CIP2A: variants seen among roughly 807,000 people sequenced by gnomAD.
CIP2A encodes protein CIP2A.
CIP2A carries 103 observed loss-of-function variants against 110.9 expected under a neutral mutation model. The ratio of observed to expected loss-of-function variants is 0.93; its 90% confidence interval spans 0.79 to 1.09. The LOEUF (loss-of-function observed/expected upper bound fraction) is 1.09, where lower values mean the gene tolerates loss of function less well. CIP2A is among the 50% of genes least tolerant of loss of function. The pLI is 0.00. For missense variants in CIP2A, 1,088 were observed against 1,038.4 expected, an observed-to-expected ratio of 1.05 and a Z score of -0.66; for synonymous variants, 381 against 361.6, an observed-to-expected ratio of 1.05 and a Z score of -0.61.
chr3:108,569,680 G>A (rs982906012), intron 8 of CIP2A, 73 bp from the exon 9 acceptor site: 2 of 1,060,164 alleles, frequency 1.9e-6, no homozygotes, highest in African/African-American at 3.2e-5. Flanking sequence ...GTATGATGAA[G>A]CTGAAAATGC....
chr3:108,575,442 A>G (rs1261414173), intron 8 of CIP2A, among the ~76,000 whole-genome samples: 2 of 147,952 alleles, frequency 1.4e-5, no homozygotes, highest in Non-Finnish European at 3.0e-5. Context: ...ACACATACAT[A>G]TATACATATA....
At position 108,563,402 on chromosome 3, in the gene CIP2A, T is replaced by C. The variant is rs529061984; in HGVS notation, c.1516-158A>G. ...TATTATAGTCTATATAGTTTGAATATATTATACCTTGTTATAGCTGTTTAC... is the reference window on the plus strand; with the variant it reads ...TATTATAGTCTATATAGTTTGAATACATTATACCTTGTTATAGCTGTTTAC... On this transcript the variant is annotated intron_variant, in intron 12 of 20. Coordinates refer to ENST00000295746, the MANE Select transcript of CIP2A (RefSeq NM_020890.3). Among the ~76,000 whole-genome samples the C allele has an allele frequency of 1.3e-3, 192 of 152,264 alleles. 2 individuals are homozygous for C. Among genetic ancestry groups the C allele is most frequent in the South Asian group, 7.9e-3 (38 of 4,832 alleles).
intron 1 of CIP2A, among the ~76,000 whole-genome samples, chr3:108,587,660 T>G (rs1265467319): frequency 3.9e-5 from 6 of 152,240 alleles, no homozygotes; most frequent in Non-Finnish European, 8.8e-5. Flanking sequence ...TCCTTTTTAG[T>G]AGTAACCTGA....
At chr3:108,579,464 ATTAAG>A (rs754762371) in intron 6 of CIP2A, 38 bp from the exon 7 acceptor site, 2 of 1,574,514 alleles carry the variant, frequency 1.3e-6, no homozygotes, top group South Asian at 2.4e-5. Context: ...TAGACAAAAA[ATTAAG>A]TTGACACCAT....
At chr3:108,585,306 ACTG>A (rs1435602931) in intron 1 of CIP2A, 94 bp from the exon 2 acceptor site, 43 of 1,133,004 alleles carry the variant, frequency 3.8e-5, no homozygotes, top group Non-Finnish European at 5.1e-5. Context: ...TCAAAGTGCC[ACTG>A]CTACCTTCCC....
Position 108,551,263 on chromosome 3 carries a change from C to T in CIP2A, c.2604G>A (p.Glu868=). ...AQLEGRLEEK[E]SLVKLQQEEL... The stretch of plus-strand genomic sequence containing the variant: ...CCTCTTGCTGAAGTTTCACCAAGGA[C>T]TCTTTCTCTTCCAAACGACCTTCTA... The change falls in exon 21 of 21, where the codon GAG becomes GAA. Residue 868 remains glutamate (E), a synonymous_variant. Transcript: ENST00000295746. 1 of 1,612,428 alleles carries T rather than the reference C, an allele frequency of 6.2e-7. No individual in the cohort carries two copies. Among genetic ancestry groups the T allele is most frequent in the East Asian group, 2.2e-5 (1 of 44,772 alleles).
intron 9 of CIP2A, 53 bp downstream of exon 9, chr3:108,569,333 ATTG>A: frequency 3.2e-6 from 4 of 1,264,486 alleles, no homozygotes; most frequent in Non-Finnish European, 4.6e-6. Context: ...TTGAAGACAA[ATTG>A]TTAACTGAGA....
chr3:108,573,296 C>T (rs910822736), intron 8 of CIP2A, among the ~76,000 whole-genome samples: 3 of 151,488 alleles, frequency 2.0e-5, no homozygotes, highest in Non-Finnish European at 4.4e-5. Flanking sequence ...GTTATACTGG[C>T]CTTATAATCA....
In CIP2A at chr3:108,559,799, C is replaced by G; in HGVS notation, c.1971G>C (p.Leu657=). ...KALALAQADR[L]IAQHRCQRTQ... Reference sequence around the variant, plus strand: ...TTCTTTGACAGCGATGCTGAGCAATCAGTCTATCAGCCTGTGCAAGGGCTA... The same window carrying G: ...TTCTTTGACAGCGATGCTGAGCAATGAGTCTATCAGCCTGTGCAAGGGCTA... The change falls in exon 16 of 21, where the codon CTG becomes CTC. Residue 657 remains leucine (L), a synonymous_variant. Coordinates refer to ENST00000295746, the MANE Select transcript of CIP2A (RefSeq NM_020890.3). 1.3e-6 allele frequency: 2 copies of G among 1,594,254 alleles called. No homozygotes were observed. Among genetic ancestry groups the G allele is most frequent in the Non-Finnish European group, 1.7e-6 (2 of 1,165,118 alleles).
intron 11 of CIP2A, 28 bp from the exon 12 acceptor site, chr3:108,565,482 G>C (rs753211003): frequency 1.6e-6 from 2 of 1,273,918 alleles, no homozygotes; most frequent in Non-Finnish European, 2.2e-6. Context: ...ATTTAAATTA[G>C]ATAACTGAAA....
intron 19 of CIP2A, 94 bp from the exon 20 acceptor site, chr3:108,552,467 T>G: frequency 1.5e-6 from 1 of 681,150 alleles, no homozygotes; most frequent in Non-Finnish European, 2.3e-6. Flanking sequence ...AAAAGAGAAA[T>G]AACTAGAACA....
intron 16 of CIP2A, among the ~76,000 whole-genome samples, chr3:108,557,689 T>C (rs983638578): frequency 6.6e-6 from 1 of 152,102 alleles, no homozygotes; most frequent in Non-Finnish European, 1.5e-5. Context: ...TCGCGCTACA[T>C]ACAGTATTCA....
chr3:108,576,127 T>C (rs1421371729), intron 8 of CIP2A, 144 bp downstream of exon 8: 1 of 525,312 alleles, frequency 1.9e-6, no homozygotes, highest in East Asian at 3.3e-5. Context: ...CATCCTGATC[T>C]AGACACTGGC....
rs1409070551 is a variant in CIP2A at position 108,589,263 on chromosome 3, G to A, written c.102+11C>T. Reference sequence around the variant, plus strand: ...GAAGCCCCATCTGTCCTCTACCCCAGAGCCTCTCACCTCCAAGTGCCGCAA... The same window carrying A: ...GAAGCCCCATCTGTCCTCTACCCCAAAGCCTCTCACCTCCAAGTGCCGCAA... On this transcript the variant is annotated intron_variant, in intron 1 of 20. Coordinates refer to ENST00000295746, the MANE Select transcript of CIP2A (RefSeq NM_020890.3). The A allele has an allele frequency of 1.9e-6, 3 of 1,606,334 alleles. No individual in the cohort carries two copies. Among genetic ancestry groups the A allele is most frequent in the Non-Finnish European group, 2.6e-6 (3 of 1,173,098 alleles).
chr3:108,589,232 C>T, intron 1 of CIP2A, 42 bp downstream of exon 1: 1 of 1,453,566 alleles, frequency 6.9e-7, no homozygotes, highest in South Asian at 1.1e-5. Context: ...ATAAGAATTG[C>T]TAGGGGAAGC....
intron 12 of CIP2A, 58 bp downstream of exon 12, chr3:108,565,297 T>G: frequency 2.4e-6 from 2 of 826,678 alleles, no homozygotes; most frequent in Non-Finnish European, 3.9e-6. Context: ...AAACAGAAAC[T>G]TATATTAGGA....
At chr3:108,564,332 C>T (rs942106021) in intron 12 of CIP2A, among the ~76,000 whole-genome samples, 4 of 152,002 alleles carry the variant, frequency 2.6e-5, no homozygotes, top group Non-Finnish European at 5.9e-5. Flanking sequence ...CCTAAGGTTT[C>T]AGTTTTGGCT....
chr3:108,558,791 C>T (rs994996057), intron 16 of CIP2A, among the ~76,000 whole-genome samples: 1 of 152,042 alleles, frequency 6.6e-6, no homozygotes, highest in African/African-American at 2.4e-5. Context: ...CAAGGAAATA[C>T]GAGAATATGT....
intron 1 of CIP2A, 106 bp from the exon 2 acceptor site, chr3:108,585,318 C>T (rs1410375005): frequency 1.9e-6 from 2 of 1,035,956 alleles, no homozygotes; most frequent in Middle Eastern, 3.3e-4. Context: ...TGCTACCTTC[C>T]CAATTTAAAA....
Sources: gnomAD v4.1 joint callset for allele counts (sites outside exome capture counted in the v4.1 genomes callset) on GRCh38, gnomAD v4.1.1 for gene constraint, MANE v1.5 for transcripts, NCBI Gene and HGNC (gene_info 2026-07-23, HGNC 2026-07-21) for gene names.